The following CDHR2 variants were observed in gnomAD, a reference collection of about 807,000 sequenced individuals.
CDHR2 encodes cadherin related family member 2, also known as cadherin-related family member 2.
Under a neutral mutation model 138.6 loss-of-function variants are expected in CDHR2, and 104 were observed. The ratio of observed to expected loss-of-function variants is 0.75; its 90% confidence interval spans 0.64 to 0.88. CDHR2 has a LOEUF of 0.88. Among genes scored for constraint, CDHR2 ranks in the 40% least tolerant of loss-of-function variants. The pLI, the probability that CDHR2 is intolerant of heterozygous loss-of-function variation, is 0.00. For synonymous variants in CDHR2, 755 were observed against 742.8 expected (o/e 1.02, Z -0.27); for missense variants, 1,624 against 1,727.6 (o/e 0.94, Z 1.06).
chr5:176,571,546 T>A (rs1758231403), intron 6 of CDHR2, among the ~76,000 whole-genome samples: 1 of 152,160 alleles, frequency 6.6e-6, no homozygotes, highest in African/African-American at 2.4e-5. Context: ...GGAGTTGATT[T>A]TTTTTGTGTA....
At chr5:176,578,217 A>G in intron 15 of CDHR2, 122 bp downstream of exon 15, 1 of 1,225,002 alleles carries the variant, frequency 8.2e-7, no homozygotes, top group Non-Finnish European at 1.2e-6. Flanking sequence ...TTTCAATTTC[A>G]GATAAACAAG....
chr5:176,594,330 T>A (rs1758964345), intron 31 of CDHR2, among the ~76,000 whole-genome samples: 1 of 152,208 alleles, frequency 6.6e-6, no homozygotes, highest in Non-Finnish European at 1.5e-5. Context: ...GGGAGCTGTC[T>A]GCCCCCTGCT....
intron 1 of CDHR2, among the ~76,000 whole-genome samples, chr5:176,557,111 G>T (rs906096217): frequency 6.6e-6 from 1 of 151,048 alleles, no homozygotes; most frequent in Non-Finnish European, 1.5e-5. Context: ...AAACTCCCGG[G>T]CTCAAGCAGT....
intron 6 of CDHR2, among the ~76,000 whole-genome samples, chr5:176,571,815 C>T (rs893794473): frequency 1.3e-5 from 2 of 152,106 alleles, no homozygotes; most frequent in African/African-American, 2.4e-5. Context: ...GGATTACAGG[C>T]GTGAGCCACT....
At chr5:176,544,387 CT>C (rs1270035312), upstream of CDHR2, among the ~76,000 whole-genome samples, 9 of 114,580 alleles carry the variant, frequency 7.9e-5, no homozygotes, top group South Asian at 2.8e-4. Flanking sequence ...TTTTTTCTTC[CT>C]TTTTTTCTTT....
In CDHR2 at chr5:176,576,981, G is replaced by T. The variant is rs1227312531; in HGVS notation, c.1195-418G>T. Among the ~76,000 whole-genome samples the T allele has an allele frequency of 6.6e-6, 1 of 152,112 alleles. No homozygotes were observed. Among genetic ancestry groups the T allele is most frequent in the East Asian group, 1.9e-4 (1 of 5,182 alleles). ...TGTATGGTGTTAGGTGATACTGAGG[G>T]GTTGGAAATGTTGCGTGGAGGACAG... On this transcript the variant is annotated intron_variant, in intron 12 of 31. Transcript: ENST00000261944. The surrounding 1 kb of genome is among the most constrained non-coding windows in gnomAD (Gnocchi z 4.5).
chr5:176,563,773 A>G (rs1412037500), intron 1 of CDHR2, among the ~76,000 whole-genome samples: 8 of 152,218 alleles, frequency 5.3e-5, no homozygotes, highest in Non-Finnish European at 8.8e-5. Flanking sequence ...CTGGGCCACA[A>G]GTGGGGCCGT....
chr5:176,566,099 T>C (rs759092575), intron 3 of CDHR2, among the ~76,000 whole-genome samples: 1 of 151,976 alleles, frequency 6.6e-6, no homozygotes, highest in Non-Finnish European at 1.5e-5. Flanking sequence ...CGCTGGCTTT[T>C]TTTTTTTTTA....
At position 176,590,689 on chromosome 5, in the gene CDHR2, T is replaced by G; in HGVS notation, c.3539+2T>G. 1 of 1,612,624 alleles carries G rather than the reference T, an allele frequency of 6.2e-7. No homozygotes were observed. Among genetic ancestry groups the G allele is most frequent in the East Asian group, 2.2e-5 (1 of 44,866 alleles). On this transcript the variant is annotated splice_donor_variant, in intron 28 of 31. Transcript: ENST00000261944. LOFTEE classifies it high-confidence loss of function. ...GGCCTTCGTGTGTGTGCGGAAGAGG[T>G]GCGGCTCCCATTGCCCCCGTGTCTC...
intron 3 of CDHR2, among the ~76,000 whole-genome samples, chr5:176,568,312 G>C (rs886157762): frequency 1.3e-5 from 2 of 152,214 alleles, no homozygotes; most frequent in South Asian, 4.1e-4. Context: ...TGTCCTGGAA[G>C]GCTCTCCAAA....
rs62404680 is a variant in CDHR2, at chr5:176,557,502, G to A, written c.-15-7836G>A. On this transcript the variant is annotated intron_variant, in intron 1 of 31. Transcript: ENST00000261944. ...ATTATAGGCGTGAGCCACTGTGCCT[G>A]GCCTCATAATTTTTAAGACATTATC... Among the ~76,000 whole-genome samples the A allele has an allele frequency of 6.7e-3, 1,016 of 151,394 alleles. 10 individuals are homozygous for A. The highest frequency in any genetic ancestry group is 0.041 in the Middle Eastern group (12 of 290).
At position 176,595,599 on chromosome 5, in the gene CDHR2, G is replaced by C; in HGVS notation, c.3860G>C (p.Arg1287Pro). 6.2e-7 allele frequency: 1 copy of C among 1,612,940 alleles called. No homozygotes were observed. Among genetic ancestry groups the C allele is most frequent in the Non-Finnish European group, 8.5e-7 (1 of 1,179,352 alleles). The stretch of plus-strand genomic sequence containing the variant: ...CCCCTGAGCGTGGTCCTGTTAGGAC[G>C]GCAGGCAGGCGCAAGTGGACAGCTG... ...PEPLSVVLLGRQAGASGQLEG... is the reference protein window; with the variant it reads ...PEPLSVVLLGPQAGASGQLEG... Residue 1287 changes from arginine (R) to proline (P), a missense_variant, in exon 32 of 32, where the codon CGG becomes CCG. Physicochemically the swap from Arg to Pro is moderately radical, Grantham distance 103. This residue lies in a region of CDHR2 where 556 missense variants were observed against 565.7 expected (regional missense o/e 0.98). Coordinates refer to ENST00000261944, the MANE Select transcript of CDHR2 (RefSeq NM_017675.6).
rs757735578 is a variant in CDHR2 at position 176,575,838 on chromosome 5, C to T, written c.959C>T (p.Thr320Met). ...EADEEVQLQVTATETHLNIYG... is the reference protein window; with the variant it reads ...EADEEVQLQVMATETHLNIYG... The stretch of plus-strand genomic sequence containing the variant: ...GATGAGGAGGTGCAGCTGCAGGTCA[C>T]GGTGAGCAAAGGCCCCACCACCCCT... The change falls in exon 11 of 32, where the codon ACG becomes ATG. Residue 320 changes from threonine to methionine, a missense_variant and splice_region_variant. Thr to Met is a moderately conservative substitution (Grantham distance 81, BLOSUM62 -1). Coordinates refer to ENST00000261944, the MANE Select transcript of CDHR2 (RefSeq NM_017675.6). 2.6e-5 allele frequency: 40 copies of T among 1,547,490 alleles called. No homozygotes were observed. Among genetic ancestry groups the T allele is most frequent in the East Asian group, 4.9e-5 (2 of 40,982 alleles).
chr5:176,574,302 C>A, intron 7 of CDHR2, 130 bp downstream of exon 7: 1 of 681,118 alleles, frequency 1.5e-6, no homozygotes, highest in South Asian at 1.8e-5. Flanking sequence ...GTCCCCAAAC[C>A]GTCCTCTGGC....
At chr5:176,577,296 C>T in intron 12 of CDHR2, 103 bp from the exon 13 acceptor site, 3 of 1,284,918 alleles carry the variant, frequency 2.3e-6, no homozygotes, top group Non-Finnish European at 3.2e-6. Flanking sequence ...TCCATGGGAC[C>T]TCATCGGGCG....
chr5:176,577,397 A>G lies in CDHR2; in HGVS notation c.1195-2A>G, dbSNP rs867412615. ...TCCCTGCTAGACAGCCCACCTTTACAGGGCAGCAATGGCACCTTCCTGTTG... is the reference window on the plus strand; with the variant it reads ...TCCCTGCTAGACAGCCCACCTTTACGGGGCAGCAATGGCACCTTCCTGTTG... On this transcript the variant is annotated splice_acceptor_variant, in intron 12 of 31. Transcript: ENST00000261944. LOFTEE classifies it high-confidence loss of function. 6.2e-7 allele frequency: 1 copy of G among 1,606,022 alleles called. No individual in the cohort carries two copies. Among genetic ancestry groups the G allele is most frequent in the Middle Eastern group, 1.7e-4 (1 of 5,990 alleles).
chr5:176,595,905 G>A (rs550468153), downstream of CDHR2: 3 of 416,750 alleles, frequency 7.2e-6, no homozygotes, highest in East Asian at 1.1e-4. Flanking sequence ...AGGGACTTGG[G>A]CTCACAGCAC....
chr5:176,590,033 C>A, intron 24 of CDHR2, 45 bp from the exon 25 acceptor site: 2 of 1,534,492 alleles, frequency 1.3e-6, no homozygotes, highest in Non-Finnish European at 1.8e-6. Flanking sequence ...GGCCACAGGC[C>A]CAGGCTAAGA....
rs759818454 is a variant in CDHR2 at position 176,576,138 on chromosome 5, C to T, written c.1147C>T (p.Arg383Cys). Residue 383 changes from arginine (R) to cysteine (C), a missense_variant, in exon 12 of 32, where the codon CGC (arginine) becomes TGC (cysteine). This residue lies in a region of CDHR2 where 1,061 missense variants were observed against 1,136.6 expected (regional missense o/e 0.93). Coordinates refer to ENST00000261944, the MANE Select transcript of CDHR2 (RefSeq NM_017675.6). The surrounding 1 kb of genome is among the most constrained non-coding windows in gnomAD (Gnocchi z 4.5). Reference sequence around the variant, plus strand: ...CTACGTGGACGAGCATGCCTCCCCCCGCATCCCCATCGATGACCTCACCAT... The same window carrying T: ...CTACGTGGACGAGCATGCCTCCCCCTGCATCCCCATCGATGACCTCACCAT... The part of the protein sequence containing the change: ...TGYVDEHASP[R>C]IPIDDLTMVV... 32 of 1,613,896 alleles carry T rather than the reference C, an allele frequency of 2.0e-5. No homozygotes were observed. Among genetic ancestry groups the T allele is most frequent in the South Asian group, 3.3e-5 (3 of 91,082 alleles).
Sources: allele counts gnomAD v4.1 joint callset (sites outside exome capture counted in the v4.1 genomes callset), GRCh38; gene constraint gnomAD v4.1.1; regional missense constraint gnomAD v4.1.1; non-coding constraint Gnocchi (gnomAD v3.1); transcripts MANE v1.5; gene names NCBI Gene and HGNC (gene_info 2026-07-23, HGNC 2026-07-21).